NRG1: variants seen among roughly 807,000 people sequenced by gnomAD.
NRG1 encodes neuregulin 1, also known as pro-neuregulin-1, membrane-bound isoform.
In NRG1, 18 loss-of-function variants were observed where a neutral mutation model predicts 63.8. The ratio of observed to expected loss-of-function variants is 0.28; its 90% confidence interval spans 0.19 to 0.42. The LOEUF (loss-of-function observed/expected upper bound fraction) is 0.42. Among genes scored for constraint, NRG1 ranks in the 10% least tolerant of loss-of-function variants. The pLI, the probability that NRG1 is intolerant of heterozygous loss-of-function variation, is 1.00. For synonymous variants in NRG1, 302 were observed against 301.3 expected (o/e 1.00, Z -0.02); for missense variants, 762 against 814.7 (o/e 0.94, Z 0.79).
At chr8:32,632,442 G>A (rs898625991) in intron 5 of NRG1, among the ~76,000 whole-genome samples, 3 of 151,870 alleles carry the variant, frequency 2.0e-5, no homozygotes, top group Admixed American at 1.3e-4. Flanking sequence ...CCAGCTACTC[G>A]GGAGGCTGAG....
chr8:31,693,643 G>A (rs921045415), intron 1 of NRG1, among the ~76,000 whole-genome samples: 2 of 152,182 alleles, frequency 1.3e-5, no homozygotes, highest in African/African-American at 2.4e-5. Context: ...CGGCTTTCCT[G>A]TAGAAATCCT....
chr8:31,789,112 G>A (rs1224780771), intron 1 of NRG1, among the ~76,000 whole-genome samples: 1 of 152,100 alleles, frequency 6.6e-6, no homozygotes, highest in African/African-American at 2.4e-5. Context: ...TGGGTCTCAA[G>A]TTTTTATCTT....
intron 1 of NRG1, among the ~76,000 whole-genome samples, chr8:32,399,211 G>A (rs1363703407): frequency 6.6e-6 from 1 of 152,136 alleles, no homozygotes; most frequent in South Asian, 2.1e-4. Flanking sequence ...ACACATTGAG[G>A]GGGATTAATT....
intron 1 of NRG1, among the ~76,000 whole-genome samples, chr8:32,506,070 C>A (rs1334652945): frequency 6.6e-6 from 1 of 151,926 alleles, no homozygotes; most frequent in Non-Finnish European, 1.5e-5. Context: ...GGCAAGATAG[C>A]AAGACCCTGT....
At chr8:32,305,212 T>C in intron 1 of NRG1, among the ~76,000 whole-genome samples, 1 of 152,148 alleles carries the variant, frequency 6.6e-6, no homozygotes, top group East Asian at 1.9e-4. Flanking sequence ...AGTGATATAC[T>C]ATTAAAGACA....
chr8:31,737,289 C>T (rs1448396946), intron 1 of NRG1, among the ~76,000 whole-genome samples: 1 of 152,056 alleles, frequency 6.6e-6, no homozygotes. Context: ...AAATCCAAGA[C>T]TGTGTTATGT....
chr8:32,578,871 G>A (rs1490650401), intron 1 of NRG1, among the ~76,000 whole-genome samples: 3 of 152,180 alleles, frequency 2.0e-5, no homozygotes, highest in African/African-American at 7.2e-5. Context: ...ACTATGGTGT[G>A]TCCTTCCCAA....
In NRG1 at chr8:32,616,886, G is replaced by A. The variant is rs1847471625; in HGVS notation, c.502+1G>A. On this transcript the variant is annotated splice_donor_variant, in intron 5 of 11. Coordinates refer to ENST00000356819, the Ensembl canonical transcript of NRG1. LOFTEE classifies it high-confidence loss of function. The stretch of plus-strand genomic sequence containing the variant: ...ACAGAAGGAGCAAATACTTCTTCAT[G>A]TAAGTATACTTAAATATTCTATTCA... 1.9e-6 allele frequency: 3 copies of A among 1,576,520 alleles called. No homozygotes were observed. Among genetic ancestry groups the A allele is most frequent in the South Asian group, 1.1e-5 (1 of 90,326 alleles).
chr8:32,753,298 T>C (rs985662386), intron 7 of NRG1, among the ~76,000 whole-genome samples: 3 of 152,212 alleles, frequency 2.0e-5, no homozygotes, highest in Non-Finnish European at 4.4e-5. Flanking sequence ...AGAGTCCCTA[T>C]TAAATCAGCA....
chr8:31,726,317 T>C (rs1347964795), intron 1 of NRG1, among the ~76,000 whole-genome samples: 1 of 152,160 alleles, frequency 6.6e-6, no homozygotes, highest in Non-Finnish European at 1.5e-5. Context: ...TAGGTTAGAC[T>C]GTACAAATGT....
At chr8:31,658,188 G>A (rs1805617713) in intron 1 of NRG1, among the ~76,000 whole-genome samples, 1 of 152,170 alleles carries the variant, frequency 6.6e-6, no homozygotes, top group Non-Finnish European at 1.5e-5. Flanking sequence ...CGAGGAAACA[G>A]CACTCATCAT....
intron 1 of NRG1, among the ~76,000 whole-genome samples, chr8:32,044,599 C>T (rs1820625941): frequency 6.6e-6 from 1 of 151,568 alleles, no homozygotes; most frequent in Non-Finnish European, 1.5e-5. Context: ...GAATTGAAGT[C>T]ACACAAAATA....
At chr8:32,427,819 C>A (rs1330554765) in intron 1 of NRG1, among the ~76,000 whole-genome samples, 2 of 152,078 alleles carry the variant, frequency 1.3e-5, no homozygotes, top group African/African-American at 4.8e-5. Context: ...TGGAGAAATG[C>A]CTCATTATTT....
At chr8:31,736,407 C>G (rs1048258616) in intron 1 of NRG1, among the ~76,000 whole-genome samples, 1 of 152,122 alleles carries the variant, frequency 6.6e-6, no homozygotes, top group Non-Finnish European at 1.5e-5. Flanking sequence ...CTTGGCTTAT[C>G]CTCTATTATC....
intron 1 of NRG1, among the ~76,000 whole-genome samples, chr8:31,862,721 T>C (rs1352176863): frequency 6.6e-6 from 1 of 152,220 alleles, no homozygotes; most frequent in African/African-American, 2.4e-5. Context: ...ACTTCAAATA[T>C]GCAGCCTTTA....
intron 5 of NRG1, among the ~76,000 whole-genome samples, chr8:32,725,621 G>A (rs899724392): frequency 4.6e-5 from 7 of 151,246 alleles, no homozygotes; most frequent in African/African-American, 1.7e-4. Context: ...GATTACAGGG[G>A]CACGCCACCA....
chr8:32,217,497 G>A (rs928531997), intron 1 of NRG1, among the ~76,000 whole-genome samples: 3 of 152,044 alleles, frequency 2.0e-5, no homozygotes, highest in South Asian at 4.1e-4. Context: ...AATACCATAA[G>A]AAGTCATTTT....
At chr8:32,179,187 T>TAAA (rs35411561) in intron 1 of NRG1, among the ~76,000 whole-genome samples, 905 of 66,462 alleles carry the variant, frequency 0.014, 103 homozygotes, top group African/African-American at 0.052. Context: ...CTCACAGTCA[T>TAAA]AAAAAAAAAA....
chr8:32,437,219 A>G (rs1818903832), intron 1 of NRG1, among the ~76,000 whole-genome samples: 1 of 152,106 alleles, frequency 6.6e-6, no homozygotes, highest in Non-Finnish European at 1.5e-5. Context: ...TAGCCTAGGT[A>G]GTCTTGAAAA....
Sources: allele counts gnomAD v4.1 joint callset (sites outside exome capture counted in the v4.1 genomes callset), GRCh38; gene constraint gnomAD v4.1.1; transcripts MANE v1.5; gene names NCBI Gene and HGNC (gene_info 2026-07-23, HGNC 2026-07-21).